CDH2: variants seen among roughly 807,000 people sequenced by gnomAD.
CDH2 encodes cadherin-2.
CDH2 carries 17 observed loss-of-function variants against 92.0 expected under a neutral mutation model. That is an observed-to-expected ratio of 0.18 (90% CI 0.13 to 0.28). The LOEUF (loss-of-function observed/expected upper bound fraction) is 0.28, where lower values mean the gene tolerates loss of function less well. CDH2 is among the 10% of genes least tolerant of loss of function. CDH2 has a pLI of 1.00. For synonymous variants in CDH2, 419 were observed against 415.9 expected (o/e 1.01, Z -0.09); for missense variants, 862 against 1,133.1 (o/e 0.76, Z 3.44).
chr18:28,081,808 T>C (rs2014835553), intron 2 of CDH2, among the ~76,000 whole-genome samples: 1 of 152,212 alleles, frequency 6.6e-6, no homozygotes, highest in Non-Finnish European at 1.5e-5. Context: ...CTGAACTTCA[T>C]ATATAAGTTA....
At chr18:27,942,817 C>A (rs575686660) in intron 6 of CDH2, among the ~76,000 whole-genome samples, 3 of 152,160 alleles carry the variant, frequency 2.0e-5, no homozygotes, top group South Asian at 2.1e-4. Flanking sequence ...TGTGTATGAA[C>A]GAGATTGTCC....
intron 1 of CDH2, among the ~76,000 whole-genome samples, chr18:28,151,804 C>T (rs917668548): frequency 1.3e-5 from 2 of 152,150 alleles, no homozygotes; most frequent in Admixed American, 6.5e-5. Context: ...GGTTGGCAAG[C>T]TTTTTCTGTA....
chr18:27,953,481 G>A (rs1304332512), intron 15 of CDH2, among the ~76,000 whole-genome samples: 1 of 152,066 alleles, frequency 6.6e-6, no homozygotes, highest in East Asian at 1.9e-4. Context: ...AATGCTAGTT[G>A]GCTTATATGG....
intron 2 of CDH2, among the ~76,000 whole-genome samples, chr18:28,112,618 A>G: frequency 6.6e-6 from 1 of 152,216 alleles, no homozygotes; most frequent in African/African-American, 2.4e-5. Context: ...TTAATAAGCC[A>G]ATAACCTTTA....
intron 6 of CDH2, among the ~76,000 whole-genome samples, chr18:27,939,194 A>C (rs1909082048): frequency 6.6e-6 from 1 of 152,138 alleles, no homozygotes. Flanking sequence ...CTACCAAATC[A>C]AGCACACATG....
At chr18:28,016,024 C>A (rs2013235876) in intron 2 of CDH2, among the ~76,000 whole-genome samples, 1 of 152,192 alleles carries the variant, frequency 6.6e-6, no homozygotes, top group Non-Finnish European at 1.5e-5. Context: ...ATTTTCCATA[C>A]CAAAGCCCTA....
Position 28,177,057 on chromosome 18 carries a change from AGGCGGCGGCGGC to A in CDH2, c.-47_-36del, listed in dbSNP as rs3833200. 4.3e-5 allele frequency: 56 copies of A among 1,302,394 alleles called. No homozygotes were observed. Among genetic ancestry groups the A allele is most frequent in the African/African-American group, 2.4e-4 (15 of 63,056 alleles). 80.7% of individuals were successfully genotyped at this position (1,302,394 alleles called of 1,614,324 possible). A position where few individuals can be genotyped will look rare whatever the true frequency, so the allele number is the denominator to read the frequency against. ...GAGGGGCCGAGCGAAGAGCCGGAGGAGGCGGCGGCGGCGGCGGCGGCGGCGGAGGAGGAGGAG... is the reference window on the plus strand; with the variant it reads ...GAGGGGCCGAGCGAAGAGCCGGAGGAGGCGGCGGCGGCGGAGGAGGAGGAG... On this transcript the variant is annotated 5_prime_UTR_variant, in exon 1 of 16. Transcript: ENST00000269141.
intron 5 of CDH2, among the ~76,000 whole-genome samples, chr18:28,008,810 G>GT (rs1475612140): frequency 6.6e-6 from 1 of 152,004 alleles, no homozygotes; most frequent in Non-Finnish European, 1.5e-5. Flanking sequence ...TTCAACAAAT[G>GT]TATCAGTGGG....
rs753614802 is a variant in CDH2, at chr18:28,007,156, T to TAAAAAAA, written c.703-1170_703-1164dup. The stretch of plus-strand genomic sequence containing the variant: ...GCCTGGGCAACAGAGTGAGACTCCA[T>TAAAAAAA]AAAAAAAAAATATATATATATATAT... On this transcript the variant is annotated intron_variant, in intron 5 of 15. Coordinates refer to ENST00000269141, the MANE Select transcript of CDH2 (RefSeq NM_001792.5). Among the ~76,000 whole-genome samples, 145 of 106,610 alleles carry TAAAAAAA rather than the reference T, an allele frequency of 1.4e-3. 1 individual carries two copies. Among genetic ancestry groups the TAAAAAAA allele is most frequent in the Admixed American group, 9.5e-3 (94 of 9,926 alleles). 69.9% of individuals were successfully genotyped at this position (106,610 alleles called of 152,430 possible). A position where few individuals can be genotyped will look rare whatever the true frequency, so the allele number is the denominator to read the frequency against.
chr18:27,953,816 G>A (rs1909580214), intron 15 of CDH2, among the ~76,000 whole-genome samples: 1 of 152,086 alleles, frequency 6.6e-6, no homozygotes, highest in Admixed American at 6.5e-5. Flanking sequence ...GGGACCCGAG[G>A]TCTCACCACA....
At chr18:28,147,130 A>AAATT (rs1015901560) in intron 2 of CDH2, among the ~76,000 whole-genome samples, 1 of 152,136 alleles carries the variant, frequency 6.6e-6, no homozygotes, top group African/African-American at 2.4e-5. Flanking sequence ...TGCTACAACT[A>AAATT]AATTAGCTTT....
chr18:28,152,407 T>C (rs1323796499), intron 1 of CDH2, among the ~76,000 whole-genome samples: 1 of 151,996 alleles, frequency 6.6e-6, no homozygotes, highest in Non-Finnish European at 1.5e-5. Context: ...AGATTTAATG[T>C]GGGAGGTTAA....
intron 15 of CDH2, 71 bp downstream of exon 15, chr18:27,963,286 G>C: frequency 1.4e-6 from 2 of 1,401,752 alleles, no homozygotes; most frequent in Non-Finnish European, 2.0e-6. Context: ...CAAGCAATTT[G>C]TGGCCTACAG....
chr18:27,981,556 T>TGG (rs910931890), intron 14 of CDH2, among the ~76,000 whole-genome samples: 3 of 152,216 alleles, frequency 2.0e-5, no homozygotes, highest in African/African-American at 7.2e-5. Context: ...CCTTGAGTCC[T>TGG]GGCTCTGTGG....
chr18:28,063,316 C>T (rs1465606407), intron 2 of CDH2, among the ~76,000 whole-genome samples: 1 of 152,056 alleles, frequency 6.6e-6, no homozygotes, highest in South Asian at 2.1e-4. Context: ...AAAAACAAAA[C>T]AAAGTGGGTA....
chr18:28,108,171 T>C (rs1026724703), intron 2 of CDH2, among the ~76,000 whole-genome samples: 1 of 152,156 alleles, frequency 6.6e-6, no homozygotes, highest in Non-Finnish European at 1.5e-5. Context: ...AGATAGGTGT[T>C]GAGAGGGCAT....
intron 2 of CDH2, among the ~76,000 whole-genome samples, chr18:28,037,447 A>G (rs1276962251): frequency 6.6e-6 from 1 of 152,174 alleles, no homozygotes; most frequent in Non-Finnish European, 1.5e-5. Context: ...TCTAGTTCAC[A>G]CCATATGCTA....
intron 2 of CDH2, among the ~76,000 whole-genome samples, chr18:28,037,568 C>T (rs1170070984): frequency 2.0e-5 from 3 of 152,080 alleles, no homozygotes; most frequent in African/African-American, 4.8e-5. Context: ...TGGGAAGAAG[C>T]GAGTTCCAGT....
At chr18:27,935,756 T>A (rs1366396126) in intron 6 of CDH2, among the ~76,000 whole-genome samples, 3 of 152,232 alleles carry the variant, frequency 2.0e-5, no homozygotes, top group Non-Finnish European at 4.4e-5. Context: ...ACACAACAGA[T>A]GTCCAATCAG....
Sources: allele counts gnomAD v4.1 joint callset (sites outside exome capture counted in the v4.1 genomes callset), GRCh38; gene constraint gnomAD v4.1.1; transcripts MANE v1.5; gene names NCBI Gene and HGNC (gene_info 2026-07-23, HGNC 2026-07-21).